Variants in NFATC2 observed in about 807,000 individuals in gnomAD.
NFATC2 encodes the protein nuclear factor of activated T-cells, cytoplasmic 2.
A neutral mutation model predicts 87.3 loss-of-function variants in NFATC2; 22 were observed. The observed-to-expected ratio is 0.25, with a 90% confidence interval of 0.18 to 0.36. The LOEUF (loss-of-function observed/expected upper bound fraction) is 0.36, where lower values mean the gene tolerates loss of function less well. Among genes scored for constraint, NFATC2 ranks in the 10% least tolerant of loss-of-function variants. The pLI, the probability that NFATC2 is intolerant of heterozygous loss-of-function variation, is 1.00. For synonymous variants in NFATC2, 565 were observed against 542.2 expected (o/e 1.04, Z -0.58); for missense variants, 1,149 against 1,259.1 (o/e 0.91, Z 1.32).
intron 1 of NFATC2, among the ~76,000 whole-genome samples, chr20:51,556,611 G>A (rs2076980446): frequency 6.6e-6 from 1 of 152,200 alleles, no homozygotes; most frequent in Non-Finnish European, 1.5e-5. Flanking sequence ...AAGAGGAGAT[G>A]GAAACTGGGC....
Position 51,389,615 on chromosome 20 carries a change from G to C in NFATC2, c.*1881C>G, listed in dbSNP as rs545008895. ...ATTTTGCTAAACTCTTTGAGCTTAGGGTGGGTGAGGGAAAGGTCGTTCATT... is the reference window on the plus strand; with the variant it reads ...ATTTTGCTAAACTCTTTGAGCTTAGCGTGGGTGAGGGAAAGGTCGTTCATT... On this transcript the variant is annotated 3_prime_UTR_variant, in exon 11 of 11. Transcript: ENST00000371564. 88 of 152,218 alleles carry C rather than the reference G, an allele frequency of 5.8e-4. No homozygotes were observed. Among genetic ancestry groups the C allele is most frequent in the African/African-American group, 2.0e-3 (83 of 41,526 alleles). 9.4% of individuals were successfully genotyped at this position (152,218 alleles called of 1,614,324 possible).
In NFATC2 at chr20:51,428,052, GAGGGTCAAGGACAGAGAAGTCA is replaced by G. The variant is rs1163946262; in HGVS notation, c.2722+3993_2722+4014del. 4.6e-5 allele frequency among the ~76,000 whole-genome samples: 7 copies of G among 152,280 alleles called. No homozygotes were observed. In the East Asian group the frequency reaches 1.3e-3, roughly 29 times the overall value. ...AAAATACTAGTGGGTGAGAGGGAAG[GAGGGTCAAGGACAGAGAAGTCA>G]AGGGTCAAGGACACAGAGGAAGGGA... On this transcript the variant is annotated intron_variant, in intron 9 of 10. Coordinates refer to ENST00000371564, the MANE Select transcript of NFATC2 (RefSeq NM_012340.5).
At chr20:51,459,411 C>T (rs896413507) in intron 5 of NFATC2, among the ~76,000 whole-genome samples, 4 of 152,084 alleles carry the variant, frequency 2.6e-5, no homozygotes, top group East Asian at 1.9e-4. Context: ...TTGGGCAGTG[C>T]CTGCTAATAC....
In NFATC2 at chr20:51,475,457, C is replaced by T. The variant is rs200028027; in HGVS notation, c.1535+1G>A. 6.2e-7 allele frequency: 1 copy of T among 1,613,558 alleles called. No individual in the cohort carries two copies. Among genetic ancestry groups the T allele is most frequent in the South Asian group, 1.1e-5 (1 of 91,052 alleles). On this transcript the variant is annotated splice_donor_variant, in intron 4 of 10. Coordinates refer to ENST00000371564, the MANE Select transcript of NFATC2 (RefSeq NM_012340.5). LOFTEE classifies it high-confidence loss of function. ...CGCCGCCCTCAGCTCCCAGCCCTTA[C>T]GTTGCCCTCATGTTGTTTTTGGGCT... is the stretch of plus-strand genomic sequence containing the variant.
At chr20:51,507,392 G>A (rs964480217) in intron 3 of NFATC2, among the ~76,000 whole-genome samples, 18 of 152,166 alleles carry the variant, frequency 1.2e-4, no homozygotes, top group African/African-American at 1.7e-4. Context: ...GGTCTCAGAC[G>A]TGGTTAATTC....
intron 6 of NFATC2, among the ~76,000 whole-genome samples, chr20:51,452,048 G>T (rs1177587535): frequency 6.6e-6 from 1 of 152,158 alleles, no homozygotes; most frequent in Admixed American, 6.5e-5. Flanking sequence ...ACTGGTCCCT[G>T]GTGCCAAAAA....
At chr20:51,512,831 A>G (rs1377464429) in intron 3 of NFATC2, among the ~76,000 whole-genome samples, 1 of 152,166 alleles carries the variant, frequency 6.6e-6, no homozygotes, top group African/African-American at 2.4e-5. Context: ...AGATACAGAG[A>G]TAAAGAGTGA....
At chr20:51,405,860 T>C (rs1988515087) in intron 9 of NFATC2, among the ~76,000 whole-genome samples, 1 of 152,190 alleles carries the variant, frequency 6.6e-6, no homozygotes, top group African/African-American at 2.4e-5. Flanking sequence ...CACAGCAACC[T>C]CCGCCTCCCA....
intron 6 of NFATC2, among the ~76,000 whole-genome samples, chr20:51,436,087 G>T (rs900845174): frequency 3.9e-5 from 6 of 152,108 alleles, no homozygotes; most frequent in South Asian, 4.1e-4. Flanking sequence ...GGGAACAGCA[G>T]ATACTGAGGA....
rs372409605 is a variant in NFATC2 at position 51,502,482 on chromosome 20, G to A, written c.1332+14302C>T. Among the ~76,000 whole-genome samples the A allele has an allele frequency of 7.2e-5, 11 of 152,130 alleles. No individual in the cohort carries two copies. The East Asian group carries it at 9.7e-4, about 13-fold the overall frequency. ...CAAGACTACAGGCATGTTCCACTGC[G>A]CCCAGCTAATTTTTTGTTTTTGTGT... On this transcript the variant is annotated intron_variant, in intron 3 of 10. Transcript: ENST00000371564.
chr20:51,490,159 C>A (rs1177320226), intron 3 of NFATC2, among the ~76,000 whole-genome samples: 10 of 152,264 alleles, frequency 6.6e-5, no homozygotes, highest in South Asian at 4.1e-4. Context: ...TAATGTATTG[C>A]GTGCTTGCTA....
At chr20:51,418,241 G>A (rs1329656837) in intron 9 of NFATC2, among the ~76,000 whole-genome samples, 1 of 152,218 alleles carries the variant, frequency 6.6e-6, no homozygotes, top group Admixed American at 6.5e-5. Flanking sequence ...GGTGTGGTCA[G>A]CACTCAATAT....
chr20:51,488,763 C>T lies in NFATC2; in HGVS notation c.1333-13103G>A, dbSNP rs116061221. On this transcript the variant is annotated intron_variant, in intron 3 of 10. Coordinates refer to ENST00000371564, the MANE Select transcript of NFATC2 (RefSeq NM_012340.5). ...CTGGACCCCTGCATCCAGCCTCTCGCTAATTTCTGCCTTGTCCCTTGTCCC... is the reference window on the plus strand; with the variant it reads ...CTGGACCCCTGCATCCAGCCTCTCGTTAATTTCTGCCTTGTCCCTTGTCCC... Among the ~76,000 whole-genome samples the T allele has an allele frequency of 6.6e-4, 101 of 152,308 alleles. 1 individual carries two copies. The highest frequency in any genetic ancestry group is 2.4e-3 in the African/African-American group (98 of 41,560).
intron 9 of NFATC2, among the ~76,000 whole-genome samples, chr20:51,425,261 A>G (rs1981612594): frequency 6.6e-6 from 1 of 152,242 alleles, no homozygotes; most frequent in African/African-American, 2.4e-5. Flanking sequence ...TTTTAAATGA[A>G]GGCAAAAAAA....
chr20:51,417,107 T>C (rs1980152354), intron 9 of NFATC2, among the ~76,000 whole-genome samples: 2 of 152,198 alleles, frequency 1.3e-5, no homozygotes, highest in African/African-American at 4.8e-5. Context: ...CCATTGCCTG[T>C]GCCTCTGGCT....
At chr20:51,560,609 C>A (rs1490585931) in intron 1 of NFATC2, among the ~76,000 whole-genome samples, 2 of 152,208 alleles carry the variant, frequency 1.3e-5, no homozygotes, top group African/African-American at 2.4e-5. Context: ...GCATTTGGAT[C>A]AGCCTGTGTC....
chr20:51,486,791 C>G (rs1431420654), intron 3 of NFATC2, among the ~76,000 whole-genome samples: 1 of 152,136 alleles, frequency 6.6e-6, no homozygotes, highest in African/African-American at 2.4e-5. Context: ...TCATTCATGT[C>G]TGGAACAGAA....
At chr20:51,527,170 T>C (rs1003180183) in intron 1 of NFATC2, among the ~76,000 whole-genome samples, 6 of 138,844 alleles carry the variant, frequency 4.3e-5, no homozygotes, top group African/African-American at 1.6e-4. Context: ...CAAAGTGTTG[T>C]GATTACAGAC....
At chr20:51,458,476 A>C (rs1033600479) in intron 5 of NFATC2, among the ~76,000 whole-genome samples, 9 of 150,968 alleles carry the variant, frequency 6.0e-5, no homozygotes, top group Admixed American at 1.3e-4. Context: ...GAGGGTCAGG[A>C]CCCCAGCATT....
Sources: allele counts gnomAD v4.1 joint callset (sites outside exome capture counted in the v4.1 genomes callset), GRCh38; gene constraint gnomAD v4.1.1; transcripts MANE v1.5; gene names NCBI Gene and HGNC (gene_info 2026-07-23, HGNC 2026-07-21).